BRMS1L: variants seen among roughly 807,000 people sequenced by gnomAD.
BRMS1L encodes breast cancer metastasis-suppressor 1-like protein.
A neutral mutation model predicts 50.3 loss-of-function variants in BRMS1L; 23 were observed. That is an observed-to-expected ratio of 0.46 (90% CI 0.33 to 0.65). The LOEUF (loss-of-function observed/expected upper bound fraction) is 0.65. BRMS1L is among the 30% of genes least tolerant of loss of function. The pLI is 0.02. For missense variants in BRMS1L, 286 were observed against 386.1 expected (o/e 0.74, Z 2.17); for synonymous variants, 114 against 126.9 (o/e 0.90, Z 0.69).
At chr14:35,853,623 G>T (rs768594505) in intron 4 of BRMS1L, among the ~76,000 whole-genome samples, 22 of 151,258 alleles carry the variant, frequency 1.5e-4, no homozygotes, top group Middle Eastern at 7.1e-3. Flanking sequence ...GCACAGTCTC[G>T]CTATGTTGCC....
At chr14:35,862,562 C>CT (rs762325835) in intron 4 of BRMS1L, 28 bp from the exon 5 acceptor site, 3 of 1,497,848 alleles carry the variant, frequency 2.0e-6, no homozygotes, top group Non-Finnish European at 2.7e-6. Flanking sequence ...TTTCTTTCTA[C>CT]TTAAGTATAA....
At chr14:35,840,652 T>C (rs188026273) in intron 4 of BRMS1L, among the ~76,000 whole-genome samples, 1 of 152,344 alleles carries the variant, frequency 6.6e-6, no homozygotes, top group African/African-American at 2.4e-5. Flanking sequence ...CTAGTTTATT[T>C]GCATAGAGAT....
intron 4 of BRMS1L, 86 bp from the exon 5 acceptor site, chr14:35,862,504 A>T: frequency 1.5e-6 from 1 of 672,506 alleles, no homozygotes; most frequent in Non-Finnish European, 2.3e-6. Flanking sequence ...ATCATATATT[A>T]AAGTACTTTA....
At position 35,851,906 on chromosome 14, in the gene BRMS1L, G is replaced by A. The variant is rs375783600; in HGVS notation, c.442-10684G>A. ...CTTTTGAAAAGACTGTTTTTTTCCC[G>A]TTGTGTATTCTTGGCACCCTTGTTG... On this transcript the variant is annotated intron_variant, in intron 4 of 9. Transcript: ENST00000216807. Among the ~76,000 whole-genome samples, 23 of 152,222 alleles carry A rather than the reference G, an allele frequency of 1.5e-4. No homozygotes were observed. In the South Asian group the frequency reaches 2.9e-3, roughly 19 times the overall value.
At chr14:35,864,079 T>C (rs2078389039) in intron 6 of BRMS1L, 126 bp downstream of exon 6, 1 of 753,960 alleles carries the variant, frequency 1.3e-6, no homozygotes, top group Non-Finnish European at 2.2e-6. Context: ...CAAAAGATGA[T>C]TTATTTATAA....
At chr14:35,853,566 A>G (rs1451450991) in intron 4 of BRMS1L, among the ~76,000 whole-genome samples, 1 of 151,842 alleles carries the variant, frequency 6.6e-6, no homozygotes, top group East Asian at 1.9e-4. Context: ...GGTGCAAACC[A>G]TCACACCTGG....
Position 35,863,855 on chromosome 14 carries a change from TTA to T in BRMS1L, c.539-13_539-12del. 1.9e-6 allele frequency: 3 copies of T among 1,610,534 alleles called. No homozygotes were observed. Among genetic ancestry groups the T allele is most frequent in the Non-Finnish European group, 2.5e-6 (3 of 1,178,450 alleles). ...CCAGAAACCCACTAATACTTAATCT[TTA>T]TTTACCTGCCAGAGCTGTGGAATGA... On this transcript the variant is annotated splice_polypyrimidine_tract_variant and intron_variant, in intron 5 of 9. Transcript: ENST00000216807.
intron 1 of BRMS1L, 183 bp downstream of exon 1, chr14:35,826,841 G>A (rs2077852062): frequency 1.2e-6 from 1 of 853,606 alleles, no homozygotes; most frequent in African/African-American, 1.8e-5. Flanking sequence ...GGCTCCTGAT[G>A]GGTCCCGGCG....
At chr14:35,856,246 A>G (rs1174691415) in intron 4 of BRMS1L, among the ~76,000 whole-genome samples, 2 of 152,186 alleles carry the variant, frequency 1.3e-5, no homozygotes, top group Non-Finnish European at 2.9e-5. Flanking sequence ...GGTTTGTATC[A>G]AATTAAGGAA....
chr14:35,862,800 A>G (rs1024153974), intron 5 of BRMS1L, 114 bp downstream of exon 5: 8 of 487,552 alleles, frequency 1.6e-5, no homozygotes, highest in Non-Finnish European at 2.3e-5. Flanking sequence ...GAAATGTCCC[A>G]GCAAAGGAGA....
chr14:35,865,835 A>C, intron 8 of BRMS1L, 74 bp downstream of exon 8: 1 of 1,290,768 alleles, frequency 7.7e-7, no homozygotes. Flanking sequence ...TCTACGTACT[A>C]AAGAACTCTT....
intron 1 of BRMS1L, among the ~76,000 whole-genome samples, chr14:35,828,819 G>A (rs554423693): frequency 1.7e-3 from 259 of 152,236 alleles, no homozygotes; most frequent in African/African-American, 6.0e-3. Flanking sequence ...ATGGAAATGT[G>A]ACATTGGAAC....
chr14:35,826,882 C>T, intron 1 of BRMS1L: 1 of 586,712 alleles, frequency 1.7e-6, no homozygotes, highest in Non-Finnish European at 2.8e-6. Flanking sequence ...GCTTGTCCAG[C>T]TCCCAAACGC....
In BRMS1L at chr14:35,866,124, C is replaced by T. The variant is rs558047819; in HGVS notation, c.727+363C>T. ...CTCTGAAATTATGTGCAAAATTCTGCATGTGCATTTTCTGAGGAGAGAGAT... is the reference window on the plus strand; with the variant it reads ...CTCTGAAATTATGTGCAAAATTCTGTATGTGCATTTTCTGAGGAGAGAGAT... On this transcript the variant is annotated intron_variant, in intron 8 of 9. Coordinates refer to ENST00000216807, the MANE Select transcript of BRMS1L (RefSeq NM_032352.4). 51 of 181,072 alleles carry T rather than the reference C, an allele frequency of 2.8e-4. No individual in the cohort carries two copies. In the South Asian group the frequency reaches 8.0e-3, roughly 28 times the overall value. The allele number at this position is 181,072 out of a possible 1,614,324, so 11.2% of individuals were successfully genotyped here. A position where few individuals can be genotyped will look rare whatever the true frequency, so the allele number is the denominator to read the frequency against.
intron 1 of BRMS1L, among the ~76,000 whole-genome samples, chr14:35,829,143 C>T (rs887753499): frequency 5.3e-5 from 8 of 151,212 alleles, no homozygotes; most frequent in Non-Finnish European, 7.4e-5. Flanking sequence ...GGTTTTGCCA[C>T]GTTGGCCAGG....
At chr14:35,859,901 C>T (rs1389536560) in intron 4 of BRMS1L, among the ~76,000 whole-genome samples, 1 of 152,142 alleles carries the variant, frequency 6.6e-6, no homozygotes, top group Non-Finnish European at 1.5e-5. Context: ...ATCCTCCTGC[C>T]TCCGTATCCC....
intron 5 of BRMS1L, 90 bp from the exon 6 acceptor site, chr14:35,863,780 G>C (rs912778755): frequency 4.0e-5 from 47 of 1,175,322 alleles, no homozygotes; most frequent in Non-Finnish European, 5.7e-5. Flanking sequence ...GTTTTTACAT[G>C]TAACTAAATA....
At chr14:35,868,107 G>A (rs2078444777) in intron 9 of BRMS1L, 75 bp downstream of exon 9, 1 of 1,436,924 alleles carries the variant, frequency 7.0e-7, no homozygotes, top group Non-Finnish European at 9.3e-7. Context: ...AATATTTCCT[G>A]CCTCCATAGT....
chr14:35,853,257 C>T (rs1032906489), intron 4 of BRMS1L, among the ~76,000 whole-genome samples: 14 of 151,412 alleles, frequency 9.2e-5, no homozygotes, highest in African/African-American at 3.4e-4. Context: ...TTTTTCTGGC[C>T]TTATATTTTA....
Sources: allele counts gnomAD v4.1 joint callset (sites outside exome capture counted in the v4.1 genomes callset), GRCh38; gene constraint gnomAD v4.1.1; transcripts MANE v1.5; gene names NCBI Gene and HGNC (gene_info 2026-07-23, HGNC 2026-07-21).